ABHD2: variants seen among roughly 807,000 people sequenced by gnomAD.
The protein encoded by ABHD2 is abhydrolase domain containing 2, acylglycerol lipase.
A neutral mutation model predicts 48.1 loss-of-function variants in ABHD2; 20 were observed. That is an observed-to-expected ratio of 0.42 (90% CI 0.29 to 0.60). The LOEUF is 0.60. Ranked by LOEUF, ABHD2 falls within the 20% of genes least tolerant of loss-of-function variation. ABHD2 has a pLI of 0.24. For synonymous variants in ABHD2, 209 were observed against 214.2 expected (o/e 0.98, Z 0.21); for missense variants, 405 against 550.9 (o/e 0.74, Z 2.65).
intron 1 of ABHD2, among the ~76,000 whole-genome samples, chr15:89,096,045 C>G (rs1457019542): frequency 6.6e-6 from 1 of 152,204 alleles, no homozygotes; most frequent in East Asian, 1.9e-4. Flanking sequence ...TGATACCACA[C>G]AGCACTGTGT....
At chr15:89,119,225 A>G (rs1376876421) in intron 3 of ABHD2, among the ~76,000 whole-genome samples, 1 of 152,228 alleles carries the variant, frequency 6.6e-6, no homozygotes. Context: ...CTTTGATGAT[A>G]GGACCAGCCC....
the ABHD2 span, among the ~76,000 whole-genome samples, chr15:89,071,148 G>A: frequency 1.1e-4 from 17 of 152,222 alleles, no homozygotes; most frequent in East Asian, 5.8e-4. Context: ...GGCCGGGCAC[G>A]GTGGCTCACA....
At chr15:89,127,710 T>C (rs1157537999) in intron 3 of ABHD2, among the ~76,000 whole-genome samples, 6 of 88,418 alleles carry the variant, frequency 6.8e-5, no homozygotes, top group African/African-American at 3.1e-4. Flanking sequence ...TATATACATA[T>C]ATATATATAC....
intron 1 of ABHD2, among the ~76,000 whole-genome samples, chr15:89,096,023 T>C (rs2049608062): frequency 6.6e-6 from 1 of 152,194 alleles, no homozygotes; most frequent in Non-Finnish European, 1.5e-5. Flanking sequence ...GAGAGCATCA[T>C]GTGAAGTCAA....
chr15:89,058,805 C>G, the ABHD2 span, among the ~76,000 whole-genome samples: 1 of 152,266 alleles, frequency 6.6e-6, no homozygotes, highest in East Asian at 1.9e-4. Context: ...TCTTTCAGCC[C>G]TCAACAATAT....
intron 5 of ABHD2, among the ~76,000 whole-genome samples, chr15:89,172,965 T>C (rs1433180776): frequency 6.6e-6 from 1 of 152,178 alleles, no homozygotes; most frequent in Non-Finnish European, 1.5e-5. Context: ...CAAAGAGAAA[T>C]TGAGAACATT....
Position 89,155,650 on chromosome 15 carries a change from A to G in ABHD2, c.538+116A>G. On this transcript the variant is annotated intron_variant, in intron 5 of 10. Coordinates refer to ENST00000352732, the MANE Select transcript of ABHD2 (RefSeq NM_152924.5). This position sits in a 1 kb window ranked among gnomAD's most constrained non-coding sequence, Gnocchi z 4.9. ...CCTATGCCCATCTGCAAGAGATGGT[A>G]GGTCACACGGTTATATCAACAGCCA... The G allele has an allele frequency of 7.7e-7, 1 of 1,306,576 alleles. No homozygotes were observed. Among genetic ancestry groups the G allele is most frequent in the African/African-American group, 1.5e-5 (1 of 67,766 alleles). 80.9% of individuals were successfully genotyped at this position (1,306,576 alleles called of 1,614,324 possible).
the ABHD2 span, among the ~76,000 whole-genome samples, chr15:89,071,441 A>T: frequency 2.0e-5 from 3 of 152,156 alleles, no homozygotes; most frequent in Non-Finnish European, 2.9e-5. Flanking sequence ...AAAAAGACAT[A>T]GGGTTTTATT....
Position 89,199,470 on chromosome 15 carries a change from TACA to T in ABHD2, c.*4050_*4052del, listed in dbSNP as rs1490741618. Reference sequence around the variant, plus strand: ...CTTGCCTCTAGAGAATCCCTGGTATTACAACGATATTGCGGCATTAGAATTCCA... The same window carrying T: ...CTTGCCTCTAGAGAATCCCTGGTATTACGATATTGCGGCATTAGAATTCCA... On this transcript the variant is annotated 3_prime_UTR_variant, in exon 11 of 11. Transcript: ENST00000352732. The surrounding 1 kb of genome is among the most constrained non-coding windows in gnomAD (Gnocchi z 4.1). The T allele has an allele frequency of 6.6e-6, 1 of 152,636 alleles. No homozygotes were observed. Among genetic ancestry groups the T allele is most frequent in the Non-Finnish European group, 1.5e-5 (1 of 68,040 alleles). The allele number at this position is 152,636 out of a possible 1,614,324, so 9.5% of individuals were successfully genotyped here. A position where few individuals can be genotyped will look rare whatever the true frequency, so the allele number is the denominator to read the frequency against.
chr15:89,131,637 A>C (rs1187500464), intron 3 of ABHD2, among the ~76,000 whole-genome samples: 2 of 152,260 alleles, frequency 1.3e-5, no homozygotes, highest in Non-Finnish European at 2.9e-5. Flanking sequence ...TAAGCTGATG[A>C]GGAAATGATA....
At position 89,195,500 on chromosome 15, in the gene ABHD2, A is replaced by G. The variant is rs1567115828; in HGVS notation, c.*77A>G. ...CCTCACCCCCTGTTTCAGGTCTCCC[A>G]TCTCCCTCAGTGACCTGGATCTGAC... On this transcript the variant is annotated 3_prime_UTR_variant, in exon 11 of 11. Transcript: ENST00000352732. This position sits in a 1 kb window ranked among gnomAD's most constrained non-coding sequence, Gnocchi z 5.1. The G allele has an allele frequency of 3.4e-6, 5 of 1,484,718 alleles. No homozygotes were observed. The highest frequency in any genetic ancestry group is 1.3e-5 in the South Asian group (1 of 76,992). 92.0% of individuals were successfully genotyped at this position (1,484,718 alleles called of 1,614,324 possible).
Position 89,189,738 on chromosome 15 carries a change from AC to A in ABHD2, c.927-1339del, listed in dbSNP as rs537149551. ...GTTCAGAAGGTGAAAAATGAATCTT[AC>A]CCACCCTCACTTCAGATGAAGTGTG... is the stretch of plus-strand genomic sequence containing the variant. On this transcript the variant is annotated intron_variant, in intron 8 of 10. Transcript: ENST00000352732. This position sits in a 1 kb window ranked among gnomAD's most constrained non-coding sequence, Gnocchi z 4.9. Among the ~76,000 whole-genome samples the A allele has an allele frequency of 1.0e-3, 152 of 152,286 alleles. No homozygotes were observed. Among genetic ancestry groups the A allele is most frequent in the Non-Finnish European group, 2.0e-3 (138 of 68,018 alleles).
At chr15:89,090,450 T>C (rs1237997236) in intron 1 of ABHD2, 1 of 152,164 alleles carries the variant, frequency 6.6e-6, no homozygotes, top group Middle Eastern at 3.2e-3. Flanking sequence ...CACCCAATAC[T>C]CTATCAAGAG....
the ABHD2 span, among the ~76,000 whole-genome samples, chr15:89,042,164 G>T: frequency 9.2e-5 from 14 of 152,264 alleles, no homozygotes; most frequent in South Asian, 2.9e-3. Context: ...GAGGACTCAA[G>T]GGACAGAGGG....
intron 7 of ABHD2, among the ~76,000 whole-genome samples, chr15:89,187,113 T>C (rs981898485): frequency 6.6e-6 from 1 of 152,194 alleles, no homozygotes; most frequent in Non-Finnish European, 1.5e-5. Context: ...AAGGGGTGGA[T>C]CCAGGCCTCT....
At position 89,195,431 on chromosome 15, in the gene ABHD2, G is replaced by A. The variant is rs370285730; in HGVS notation, c.*8G>A. ...GAGGCCGACCTGGAGTGAGGCCTCC[G>A]GACTCTGGCACGCTCCAGCAGCCCT... On this transcript the variant is annotated 3_prime_UTR_variant, in exon 11 of 11. Coordinates refer to ENST00000352732, the MANE Select transcript of ABHD2 (RefSeq NM_152924.5). The surrounding 1 kb of genome is among the most constrained non-coding windows in gnomAD (Gnocchi z 5.1). 54 of 1,612,178 alleles carry A rather than the reference G, an allele frequency of 3.3e-5. No individual in the cohort carries two copies. Among genetic ancestry groups the A allele is most frequent in the Middle Eastern group, 1.7e-4 (1 of 5,936 alleles).
At position 89,159,099 on chromosome 15, in the gene ABHD2, G is replaced by A. The variant is rs1439297174; in HGVS notation, c.538+3565G>A. Among the ~76,000 whole-genome samples the A allele has an allele frequency of 2.0e-5, 3 of 151,958 alleles. No homozygotes were observed. In the East Asian group the frequency reaches 5.8e-4, roughly 29 times the overall value. Reference sequence around the variant, plus strand: ...CGTTAAAGAATTACAATACAACGCCGGGCACGGTGGCTCATGCCTGTAATC... The same window carrying A: ...CGTTAAAGAATTACAATACAACGCCAGGCACGGTGGCTCATGCCTGTAATC... On this transcript the variant is annotated intron_variant, in intron 5 of 10. Transcript: ENST00000352732.
At position 89,175,069 on chromosome 15, in the gene ABHD2, T is replaced by C. The variant is rs951612815; in HGVS notation, c.539-743T>C. ...CCTCTGGACTGAAGTTTATCTTTCC[T>C]CTCCTTTCCAACTCTGTCAAGAAGA... On this transcript the variant is annotated intron_variant, in intron 5 of 10. Transcript: ENST00000352732. This position sits in a 1 kb window ranked among gnomAD's most constrained non-coding sequence, Gnocchi z 5.7. Among the ~76,000 whole-genome samples the C allele has an allele frequency of 6.6e-6, 1 of 152,184 alleles. No individual in the cohort carries two copies. The highest frequency in any genetic ancestry group is 6.5e-5 in the Admixed American group (1 of 15,282).
chr15:89,187,417 C>T (rs2051228637), intron 7 of ABHD2, among the ~76,000 whole-genome samples: 1 of 152,164 alleles, frequency 6.6e-6, no homozygotes, highest in Non-Finnish European at 1.5e-5. Flanking sequence ...GAAATGTGTT[C>T]TTCTTTTGGA....
Sources: allele counts gnomAD v4.1 joint callset (sites outside exome capture counted in the v4.1 genomes callset), GRCh38; gene constraint gnomAD v4.1.1; non-coding constraint Gnocchi (gnomAD v3.1); transcripts MANE v1.5; gene names NCBI Gene and HGNC (gene_info 2026-07-23, HGNC 2026-07-21).